ATP9B: variants seen among roughly 807,000 people sequenced by gnomAD.
ATP9B encodes the protein probable phospholipid-transporting ATPase IIB.
A neutral mutation model predicts 146.1 loss-of-function variants in ATP9B; 110 were observed. The observed-to-expected ratio is 0.75, with a 90% CI of 0.65 to 0.88. The LOEUF (loss-of-function observed/expected upper bound fraction) is 0.88, where lower values mean the gene tolerates loss of function less well. Ranked by LOEUF, ATP9B falls within the 40% of genes least tolerant of loss-of-function variation. The pLI is 0.00. For missense variants in ATP9B, 1,499 were observed against 1,496.4 expected, an observed-to-expected ratio of 1.00 and a Z score of -0.03; for synonymous variants, 604 against 569.7, an observed-to-expected ratio of 1.06 and a Z score of -0.86.
chr18:79,305,265 T>A (rs919116253), intron 14 of ATP9B, among the ~76,000 whole-genome samples: 1 of 152,240 alleles, frequency 6.6e-6, no homozygotes, highest in Non-Finnish European at 1.5e-5. Context: ...TAGCATTCAG[T>A]GGTCAGCATT....
At chr18:79,189,612 A>G (rs1209518960) in intron 8 of ATP9B, among the ~76,000 whole-genome samples, 1 of 152,248 alleles carries the variant, frequency 6.6e-6, no homozygotes, top group Non-Finnish European at 1.5e-5. Flanking sequence ...AAGGTAAGCT[A>G]GAGAAAAATT....
At position 79,093,728 on chromosome 18, in the gene ATP9B, A is replaced by AC. The variant is rs1274396607; in HGVS notation, c.120-2743dup. On this transcript the variant is annotated intron_variant, in intron 1 of 29. Transcript: ENST00000426216. ...TGTATGCATGGGTGCGTGTGCACAC[A>AC]CCCCCTCCCCCATCTGCTTAGAATT... 1.4e-3 allele frequency among the ~76,000 whole-genome samples: 212 copies of AC among 152,118 alleles called. 3 individuals are homozygous for AC. In the South Asian group the frequency reaches 0.015, roughly 10 times the overall value.
intron 8 of ATP9B, among the ~76,000 whole-genome samples, chr18:79,183,528 A>G (rs895943209): frequency 2.0e-5 from 3 of 152,102 alleles, no homozygotes; most frequent in African/African-American, 7.2e-5. Flanking sequence ...GTTATCTGCT[A>G]AAGTTTGTTA....
chr18:79,344,971 G>A (rs1176644558), intron 21 of ATP9B, among the ~76,000 whole-genome samples: 1 of 152,318 alleles, frequency 6.6e-6, no homozygotes, highest in East Asian at 1.9e-4. Flanking sequence ...CACAGCTTTT[G>A]CACAGGCTCC....
intron 15 of ATP9B, among the ~76,000 whole-genome samples, chr18:79,317,334 A>C (rs1242887194): frequency 6.6e-6 from 1 of 152,244 alleles, no homozygotes; most frequent in Non-Finnish European, 1.5e-5. Context: ...GGATTTCAAC[A>C]TAAATTTGAA....
chr18:79,112,048 G>C (rs902587954), intron 3 of ATP9B, among the ~76,000 whole-genome samples: 2 of 152,184 alleles, frequency 1.3e-5, no homozygotes, highest in Admixed American at 6.5e-5. Context: ...TTAGACAGCA[G>C]GTTGAACGTG....
intron 1 of ATP9B, among the ~76,000 whole-genome samples, chr18:79,082,614 TTGA>T (rs1163586723): frequency 2.6e-5 from 4 of 152,270 alleles, no homozygotes; most frequent in Admixed American, 1.3e-4. Context: ...TTTGTTGATG[TTGA>T]TGCAGTTCCT....
chr18:79,283,757 G>T (rs1450735554), intron 13 of ATP9B, among the ~76,000 whole-genome samples: 1 of 152,174 alleles, frequency 6.6e-6, no homozygotes, highest in Non-Finnish European at 1.5e-5. Flanking sequence ...CTCGACGCCG[G>T]CTGATAAATG....
intron 9 of ATP9B, among the ~76,000 whole-genome samples, chr18:79,195,351 A>C (rs535518575): frequency 2.6e-4 from 40 of 152,192 alleles, no homozygotes; most frequent in Admixed American, 1.2e-3. Context: ...AGGCTCACAC[A>C]GTCCTCCTGC....
At chr18:79,191,538 G>T (rs2095366639) in intron 8 of ATP9B, among the ~76,000 whole-genome samples, 1 of 151,978 alleles carries the variant, frequency 6.6e-6, no homozygotes, top group Non-Finnish European at 1.5e-5. Context: ...GTGTCTTTTT[G>T]AATCATTATC....
intron 9 of ATP9B, among the ~76,000 whole-genome samples, chr18:79,202,470 TC>T (rs1370137687): frequency 2.6e-4 from 40 of 152,332 alleles, no homozygotes; most frequent in African/African-American, 9.6e-4. Context: ...CAAAATACTC[TC>T]CTTCAAAAAA....
At chr18:79,131,687 GC>G (rs1159899437) in intron 5 of ATP9B, among the ~76,000 whole-genome samples, 2 of 152,174 alleles carry the variant, frequency 1.3e-5, no homozygotes, top group African/African-American at 2.4e-5. Context: ...ATTCACAATA[GC>G]CAAAGGGTGA....
intron 13 of ATP9B, among the ~76,000 whole-genome samples, chr18:79,290,497 G>A (rs1207724657): frequency 1.3e-5 from 2 of 152,186 alleles, no homozygotes; most frequent in African/African-American, 2.4e-5. Context: ...GGAGTGACCC[G>A]ATTTTCCAGG....
chr18:79,212,473 A>G (rs2095593383), intron 10 of ATP9B, among the ~76,000 whole-genome samples: 1 of 152,198 alleles, frequency 6.6e-6, no homozygotes, highest in African/African-American at 2.4e-5. Context: ...AATTCTTGCA[A>G]AGCCTTTTCT....
In ATP9B at chr18:79,376,411, C is replaced by T. The variant is rs1401230617; in HGVS notation, c.3308-836C>T. 17 of 939,024 alleles carry T rather than the reference C, an allele frequency of 1.8e-5. No individual in the cohort carries two copies. In the African/African-American group the frequency reaches 2.2e-4, roughly 12 times the overall value. The allele number at this position is 939,024 out of a possible 1,614,324, so 58.2% of individuals were successfully genotyped here. Reference sequence around the variant, plus strand: ...ACCATTTTTTTTTTTTTTTTTGAGACGAAGTCTCACTCTTGTTACCCAGGC... The same window carrying T: ...ACCATTTTTTTTTTTTTTTTTGAGATGAAGTCTCACTCTTGTTACCCAGGC... On this transcript the variant is annotated intron_variant, in intron 29 of 29. Coordinates refer to ENST00000426216, the MANE Select transcript of ATP9B (RefSeq NM_198531.5).
chr18:79,162,357 T>G (rs1030822173), intron 7 of ATP9B, among the ~76,000 whole-genome samples: 7 of 152,342 alleles, frequency 4.6e-5, no homozygotes, highest in African/African-American at 1.4e-4. Context: ...GACTGATGGC[T>G]TAAATTCCAA....
Position 79,374,037 on chromosome 18 carries a change from G to A in ATP9B, c.3210G>A (p.Val1070=). 6.2e-7 allele frequency: 1 copy of A among 1,614,158 alleles called. No homozygotes were observed. Among genetic ancestry groups the A allele is most frequent in the Non-Finnish European group, 8.5e-7 (1 of 1,180,028 alleles). ...LTVRTWHWLM[V]VAEFLSLGCY... ...TCCGCACGTGGCACTGGCTGATGGTGGTGGCCGAGTTCCTCAGCTTAGGCT... is the reference window on the plus strand; with the variant it reads ...TCCGCACGTGGCACTGGCTGATGGTAGTGGCCGAGTTCCTCAGCTTAGGCT... The change falls in exon 28 of 30, where the codon GTG becomes GTA. Residue 1070 remains valine, a synonymous_variant. Transcript: ENST00000426216.
chr18:79,320,483 G>T (rs2096709235), intron 15 of ATP9B, among the ~76,000 whole-genome samples: 1 of 152,230 alleles, frequency 6.6e-6, no homozygotes, highest in African/African-American at 2.4e-5. Flanking sequence ...GAGAGGCCCA[G>T]GGCCAGGCCA....
At chr18:79,118,438 T>C (rs1232912043) in intron 4 of ATP9B, among the ~76,000 whole-genome samples, 2 of 138,480 alleles carry the variant, frequency 1.4e-5, no homozygotes, top group South Asian at 2.6e-4. Context: ...TCTTGGTCTG[T>C]CGCCCAGGCT....
Sources: allele counts gnomAD v4.1 joint callset (sites outside exome capture counted in the v4.1 genomes callset), GRCh38; gene constraint gnomAD v4.1.1; transcripts MANE v1.5; gene names NCBI Gene and HGNC (gene_info 2026-07-23, HGNC 2026-07-21).